The following HDLBP variants were observed in gnomAD, a reference collection of about 807,000 sequenced individuals.
HDLBP encodes the protein vigilin.
In HDLBP, 30 loss-of-function variants were observed where a neutral mutation model predicts 137.3. The ratio of observed to expected loss-of-function variants is 0.22; its 90% CI spans 0.16 to 0.30. HDLBP has a LOEUF of 0.30. Ranked by LOEUF, HDLBP falls within the 10% of genes least tolerant of loss-of-function variation. The pLI is 1.00. For synonymous variants in HDLBP, 606 were observed against 596.0 expected, an observed-to-expected ratio of 1.02 and a Z score of -0.24; for missense variants, 1,119 against 1,667.3, an observed-to-expected ratio of 0.67 and a Z score of 5.73.
intron 11 of HDLBP, chr2:241,250,555 A>C (rs1466733287): frequency 6.6e-6 from 1 of 152,648 alleles, no homozygotes; most frequent in Non-Finnish European, 1.5e-5. Flanking sequence ...GATAGAACCC[A>C]GTACCCCCAA....
rs564749122 is a variant in HDLBP at position 241,242,901 on chromosome 2, G to A, written c.1951-223C>T. 7.0e-4 allele frequency: 398 copies of A among 565,278 alleles called. 1 individual carries two copies. The highest frequency in any genetic ancestry group is 1.3e-3 in the Admixed American group (42 of 33,130). The allele number at this position is 565,278 out of a possible 1,614,324, so 35.0% of individuals were successfully genotyped here. On this transcript the variant is annotated intron_variant, in intron 16 of 27. Coordinates refer to ENST00000310931, the MANE Select transcript of HDLBP (RefSeq NM_005336.6). ...GTGGGGTGCGCCCAGCAGAGCAGGC[G>A]CGCTGGGAGGTGTTTAACTCAACAG... is the stretch of plus-strand genomic sequence containing the variant.
In HDLBP at chr2:241,272,712, C is replaced by CCCGT. The variant is rs2074199212; in HGVS notation, c.-102-4175_-102-4172dup. 3 of 598,952 alleles carry CCCGT rather than the reference C, an allele frequency of 5.0e-6. No homozygotes were observed. The highest frequency in any genetic ancestry group is 6.5e-5 in the Admixed American group (1 of 15,290). The allele number at this position is 598,952 out of a possible 1,614,324, so 37.1% of individuals were successfully genotyped here. A position where few individuals can be genotyped will look rare whatever the true frequency, so the allele number is the denominator to read the frequency against. On this transcript the variant is annotated intron_variant, in intron 1 of 27. Coordinates refer to ENST00000310931, the MANE Select transcript of HDLBP (RefSeq NM_005336.6). This position sits in a 1 kb window ranked among gnomAD's most constrained non-coding sequence, Gnocchi z 5.6. ...CCCCCCCGCCCGGCAGCCCGCCCGC[C>CCCGT]CCGTCCGCCCGCCCGCCCAGGCCTC...
At chr2:241,296,533 T>C (rs943624296) in intron 1 of HDLBP, among the ~76,000 whole-genome samples, 21 of 152,204 alleles carry the variant, frequency 1.4e-4, no homozygotes, top group African/African-American at 4.1e-4. Context: ...AACACTAATA[T>C]AGAAGTCAAG....
intron 4 of HDLBP, among the ~76,000 whole-genome samples, chr2:241,263,831 A>T (rs1003244889): frequency 1.3e-5 from 2 of 152,200 alleles, no homozygotes; most frequent in Non-Finnish European, 2.9e-5. Flanking sequence ...GGACCCATTC[A>T]TCTGACAAAC....
intron 1 of HDLBP, among the ~76,000 whole-genome samples, chr2:241,301,090 C>CCTCA (rs2075382108): frequency 6.6e-6 from 1 of 151,328 alleles, no homozygotes; most frequent in African/African-American, 2.4e-5. Context: ...CATTCTCCTG[C>CCTCA]CTCAGCCTCC....
At chr2:241,259,588 A>G (rs977041026) in intron 5 of HDLBP, among the ~76,000 whole-genome samples, 2 of 152,184 alleles carry the variant, frequency 1.3e-5, no homozygotes, top group Non-Finnish European at 2.9e-5. Flanking sequence ...TCCCAGGCTC[A>G]AACAATCCTT....
chr2:241,246,283 T>C (rs2071670714), intron 16 of HDLBP, among the ~76,000 whole-genome samples: 1 of 149,234 alleles, frequency 6.7e-6, no homozygotes, highest in African/African-American at 2.5e-5. Context: ...GTGGGGGGAG[T>C]GTGGTTTTCA....
chr2:241,303,255 G>C (rs534613845), intron 1 of HDLBP, among the ~76,000 whole-genome samples: 1 of 152,292 alleles, frequency 6.6e-6, no homozygotes, highest in African/African-American at 2.4e-5. Context: ...CGTCCTGCTG[G>C]TGCAGGGTGC....
In HDLBP at chr2:241,272,255, TG is replaced by T. The variant is rs889046152; in HGVS notation, c.-102-3715del. Reference sequence around the variant, plus strand: ...CCCAGACCCCCGCCCCGCCGCCACCTGGGGGGAAGGACCCCGCTGGCCTCCC... The same window carrying T: ...CCCAGACCCCCGCCCCGCCGCCACCTGGGGGAAGGACCCCGCTGGCCTCCC... On this transcript the variant is annotated intron_variant, in intron 1 of 27. Transcript: ENST00000310931. This position sits in a 1 kb window ranked among gnomAD's most constrained non-coding sequence, Gnocchi z 5.6. 4.2e-6 allele frequency: 4 copies of T among 963,292 alleles called. No individual in the cohort carries two copies. Among genetic ancestry groups the T allele is most frequent in the Non-Finnish European group, 3.7e-6 (3 of 810,742 alleles). The allele number at this position is 963,292 out of a possible 1,614,324, so 59.7% of individuals were successfully genotyped here. A position where few individuals can be genotyped will look rare whatever the true frequency, so the allele number is the denominator to read the frequency against.
chr2:241,306,245 A>G (rs1196004079), intron 1 of HDLBP, among the ~76,000 whole-genome samples: 1 of 151,866 alleles, frequency 6.6e-6, no homozygotes, highest in Non-Finnish European at 1.5e-5. Context: ...ATGAAAAATG[A>G]AAAACCCACT....
In HDLBP at chr2:241,262,743, G is replaced by A. The variant is rs2073308661; in HGVS notation, c.418C>T (p.Arg140Trp). Reference protein sequence around the residue: ...SGKLDAVMKARKDIVARLQTQ... With the variant: ...SGKLDAVMKAWKDIVARLQTQ... ...TGCAGTCTAGCAACAATGTCCTTCC[G>A]AGCTTTCATGACAGCATCCAGCTTT... Residue 140 changes from arginine to tryptophan, a missense_variant, in exon 5 of 28, where the codon CGG becomes TGG. Physicochemically the swap from Arg to Trp is moderately radical, Grantham distance 101. Coordinates refer to ENST00000310931, the MANE Select transcript of HDLBP (RefSeq NM_005336.6). 6.2e-7 allele frequency: 1 copy of A among 1,614,076 alleles called. No individual in the cohort carries two copies. Among genetic ancestry groups the A allele is most frequent in the Non-Finnish European group, 8.5e-7 (1 of 1,180,016 alleles).
intron 24 of HDLBP, 161 bp from the exon 25 acceptor site, chr2:241,231,105 C>G (rs913224746): frequency 3.1e-6 from 2 of 646,360 alleles, no homozygotes; most frequent in Non-Finnish European, 5.3e-6. Flanking sequence ...CCACTCAGGG[C>G]CGGGCACGGT....
intron 1 of HDLBP, among the ~76,000 whole-genome samples, chr2:241,298,700 T>C (rs75087674): frequency 6.6e-6 from 1 of 152,300 alleles, no homozygotes; most frequent in East Asian, 1.9e-4. Flanking sequence ...ACATCACCAC[T>C]AAGGGGACTA....
intron 1 of HDLBP, among the ~76,000 whole-genome samples, chr2:241,274,561 G>A (rs368338187): frequency 1.3e-5 from 2 of 152,278 alleles, no homozygotes; most frequent in South Asian, 2.1e-4. Context: ...GATTCGGTCC[G>A]CTGTCAAGGA....
At chr2:241,311,383 C>T (rs2075754073) in intron 1 of HDLBP, among the ~76,000 whole-genome samples, 1 of 152,120 alleles carries the variant, frequency 6.6e-6, no homozygotes, top group Non-Finnish European at 1.5e-5. Context: ...TCTCAGGCAA[C>T]TAGTGAAGGA....
chr2:241,300,724 C>T (rs1269853462), intron 1 of HDLBP, among the ~76,000 whole-genome samples: 1 of 152,142 alleles, frequency 6.6e-6, no homozygotes, highest in Non-Finnish European at 1.5e-5. Flanking sequence ...GCCAGGTCCT[C>T]CTCTCTCTGA....
intron 1 of HDLBP, among the ~76,000 whole-genome samples, chr2:241,283,017 A>G (rs1433736504): frequency 6.6e-6 from 1 of 152,240 alleles, no homozygotes; most frequent in African/African-American, 2.4e-5. Context: ...TGCACCAAAT[A>G]GCCAAGCTGT....
chr2:241,255,684 T>C, intron 7 of HDLBP, 104 bp from the exon 8 acceptor site: 5 of 818,594 alleles, frequency 6.1e-6, no homozygotes, highest in Admixed American at 1.9e-5. Flanking sequence ...GCCCAGACTA[T>C]AGATGCTGAT....
chr2:241,303,246 G>A (rs187548680), intron 1 of HDLBP, among the ~76,000 whole-genome samples: 63 of 152,306 alleles, frequency 4.1e-4, no homozygotes, highest in African/African-American at 1.4e-3. Context: ...GAAGAGCTGC[G>A]TCCTGCTGGT....
Sources: gnomAD v4.1 joint callset for allele counts (sites outside exome capture counted in the v4.1 genomes callset) on GRCh38, gnomAD v4.1.1 for gene constraint, Gnocchi (gnomAD v3.1) non-coding constraint, MANE v1.5 for transcripts, NCBI Gene and HGNC (gene_info 2026-07-23, HGNC 2026-07-21) for gene names.